The following SPOCK3 variants were observed in gnomAD, a reference collection of about 807,000 sequenced individuals.
SPOCK3 encodes the protein SPARC (osteonectin), cwcv and kazal like domains proteoglycan 3.
SPOCK3 carries 30 observed loss-of-function variants against 56.6 expected under a neutral mutation model. The observed-to-expected ratio is 0.53, with a 90% CI of 0.40 to 0.72. The LOEUF is 0.72. Ranked by LOEUF, SPOCK3 falls within the 30% of genes least tolerant of loss-of-function variation. The probability of loss-of-function intolerance (pLI) is 0.00; values close to 1 mark genes in which losing one functional copy is unlikely to be tolerated. For synonymous variants in SPOCK3, 196 were observed against 183.3 expected (o/e 1.07, Z -0.56); for missense variants, 527 against 530.0 (o/e 0.99, Z 0.06).
chr4:167,086,380 G>A (rs1758196298), intron 2 of SPOCK3, among the ~76,000 whole-genome samples: 1 of 151,970 alleles, frequency 6.6e-6, no homozygotes, highest in African/African-American at 2.4e-5. Flanking sequence ...AAACACAAGA[G>A]AAGTTAAAAC....
intron 6 of SPOCK3, among the ~76,000 whole-genome samples, chr4:166,834,534 G>A (rs1015765703): frequency 1.3e-5 from 2 of 152,160 alleles, no homozygotes; most frequent in African/African-American, 4.8e-5. Flanking sequence ...TTCTTCTAGC[G>A]CTTTCTACTG....
intron 3 of SPOCK3, among the ~76,000 whole-genome samples, chr4:167,004,741 T>A (rs1488540420): frequency 2.0e-5 from 3 of 151,376 alleles, no homozygotes; most frequent in Non-Finnish European, 4.4e-5. Flanking sequence ...AAGGGGGAAA[T>A]TGGTCGAAAT....
intron 4 of SPOCK3, among the ~76,000 whole-genome samples, chr4:166,950,759 C>T (rs971381268): frequency 4.7e-5 from 7 of 150,074 alleles, no homozygotes; most frequent in African/African-American, 1.8e-4. Flanking sequence ...TGCAATCAAA[C>T]TAGAACTCAG....
intron 3 of SPOCK3, among the ~76,000 whole-genome samples, chr4:167,004,157 ATTG>A (rs1749228829): frequency 6.6e-6 from 1 of 152,350 alleles, no homozygotes; most frequent in South Asian, 2.1e-4. Context: ...ATTAGAATAC[ATTG>A]TTAAGTGGAA....
intron 2 of SPOCK3, among the ~76,000 whole-genome samples, chr4:167,188,371 C>G (rs1373601539): frequency 6.9e-6 from 1 of 145,776 alleles, no homozygotes. Flanking sequence ...AAAGAGGTCA[C>G]TACTGATAAA....
intron 2 of SPOCK3, among the ~76,000 whole-genome samples, chr4:167,176,921 G>A (rs573625226): frequency 5.9e-5 from 9 of 152,212 alleles, no homozygotes; most frequent in East Asian, 3.9e-4. Context: ...TAAGTGCAAG[G>A]ACTATGTTTG....
chr4:166,909,330 A>T (rs928767097), intron 5 of SPOCK3, among the ~76,000 whole-genome samples: 17 of 151,960 alleles, frequency 1.1e-4, no homozygotes, highest in African/African-American at 3.9e-4. Context: ...CATTTGGCTA[A>T]AGTCTTTCTT....
intron 5 of SPOCK3, among the ~76,000 whole-genome samples, chr4:166,907,503 T>G (rs1736754727): frequency 6.6e-6 from 1 of 152,112 alleles, no homozygotes; most frequent in South Asian, 2.1e-4. Flanking sequence ...TTTGCTTCAC[T>G]GTAAGTGGCA....
intron 8 of SPOCK3, among the ~76,000 whole-genome samples, chr4:166,747,075 T>C (rs1213790169): frequency 1.7e-5 from 1 of 58,486 alleles, no homozygotes; most frequent in African/African-American, 6.4e-5. Flanking sequence ...GCTGGTACCA[T>C]TCCTTCTGAA....
intron 4 of SPOCK3, among the ~76,000 whole-genome samples, chr4:166,966,427 C>A (rs775835393): frequency 1.3e-5 from 2 of 152,106 alleles, no homozygotes; most frequent in African/African-American, 4.8e-5. Flanking sequence ...CATACAAGTG[C>A]TTTCCCTTCA....
chr4:166,931,154 G>A (rs1359337688), intron 4 of SPOCK3, among the ~76,000 whole-genome samples: 1 of 152,084 alleles, frequency 6.6e-6, no homozygotes, highest in African/African-American at 2.4e-5. Flanking sequence ...GCTAATTTTT[G>A]CACTTTTAGT....
At chr4:167,086,500 G>A (rs1758211434) in intron 2 of SPOCK3, among the ~76,000 whole-genome samples, 1 of 152,060 alleles carries the variant, frequency 6.6e-6, no homozygotes, top group Non-Finnish European at 1.5e-5. Context: ...TCTGAACATG[G>A]TTCTGGGTTC....
intron 2 of SPOCK3, among the ~76,000 whole-genome samples, chr4:167,130,037 A>G (rs1580384056): frequency 6.6e-6 from 1 of 152,254 alleles, no homozygotes; most frequent in East Asian, 1.9e-4. Flanking sequence ...TTTTTTTGAG[A>G]TAGGATCTTG....
intron 4 of SPOCK3, among the ~76,000 whole-genome samples, chr4:166,952,958 T>G (rs368366725): frequency 6.6e-6 from 1 of 150,908 alleles, no homozygotes; most frequent in African/African-American, 2.5e-5. Flanking sequence ...GACTTAAACG[T>G]TAGACCTAAA....
At chr4:167,141,862 G>A (rs1158375572) in intron 2 of SPOCK3, among the ~76,000 whole-genome samples, 1 of 151,898 alleles carries the variant, frequency 6.6e-6, no homozygotes, top group Non-Finnish European at 1.5e-5. Flanking sequence ...CAGCACAACA[G>A]ATTGAAAACT....
intron 2 of SPOCK3, among the ~76,000 whole-genome samples, chr4:167,088,632 CTTTTGTA>C (rs924549756): frequency 1.3e-5 from 2 of 151,442 alleles, no homozygotes; most frequent in African/African-American, 4.9e-5. Flanking sequence ...GCCCAGCTAA[CTTTTGTA>C]TTTTTAGTAG....
chr4:166,946,850 C>T (rs937309305), intron 4 of SPOCK3, among the ~76,000 whole-genome samples: 4 of 152,124 alleles, frequency 2.6e-5, no homozygotes, highest in South Asian at 4.1e-4. Flanking sequence ...TCTGGCACAT[C>T]GTAGATGAAC....
chr4:166,943,991 A>T (rs1394661266), intron 4 of SPOCK3, among the ~76,000 whole-genome samples: 1 of 152,110 alleles, frequency 6.6e-6, no homozygotes, highest in Non-Finnish European at 1.5e-5. Context: ...TGCTAATAAT[A>T]CAAAAATTAG....
At chr4:167,057,103 C>A (rs1754976957) in intron 3 of SPOCK3, among the ~76,000 whole-genome samples, 1 of 152,190 alleles carries the variant, frequency 6.6e-6, no homozygotes, top group South Asian at 2.1e-4. Flanking sequence ...AGAAACTCTA[C>A]AAGCCAGAAG....
Sources: gnomAD v4.1 joint callset for allele counts (sites outside exome capture counted in the v4.1 genomes callset) on GRCh38, gnomAD v4.1.1 for gene constraint, MANE v1.5 for transcripts, NCBI Gene and HGNC (gene_info 2026-07-23, HGNC 2026-07-21) for gene names.